Variants in SATL1 observed in about 807,000 individuals in gnomAD.
SATL1 encodes spermidine/spermine N(1)-acetyltransferase-like protein 1.
In SATL1, 47 loss-of-function variants were observed where a neutral mutation model predicts 51.8. That is an observed-to-expected ratio of 0.91 (90% CI 0.72 to 1.16). SATL1 has a LOEUF of 1.16. Ranked by LOEUF, SATL1 falls within the 50% of genes most tolerant of loss-of-function variation. The pLI is 0.00. For missense variants in SATL1, 520 were observed against 526.4 expected, an observed-to-expected ratio of 0.99 and a Z score of 0.12; for synonymous variants, 176 against 182.4, an observed-to-expected ratio of 0.97 and a Z score of 0.28.
chrX:85,092,872 G>A (rs1924570099), intron 7 of SATL1: 3 of 324,633 alleles, frequency 9.2e-6, no homozygotes, highest in Non-Finnish European at 1.6e-5. Context: ...TTATAGTCTT[G>A]TAATATTCAT....
At position 85,107,645 on chromosome X, in the gene SATL1, A is replaced by G. The variant is rs1925093786; in HGVS notation, c.1324T>C (p.Trp442Arg). ...ACTTGCTGGCTCATGCCTGGTTGCC[A>G]CATGCCTCGTTGCCACATGCCTGGT... ...SPPGMWQRGMWQPGMSQQVPS... is the reference protein window; with the variant it reads ...SPPGMWQRGMRQPGMSQQVPS... Residue 442 changes from tryptophan (W) to arginine (R), a missense_variant, in exon 3 of 8, where the codon TGG becomes CGG. Coordinates refer to ENST00000644105, the MANE Select transcript of SATL1 (RefSeq NM_001367857.2). 8.3e-7 allele frequency: 1 copy of G among 1,209,328 alleles called. No homozygotes were observed. The highest frequency in any genetic ancestry group is 1.1e-6 in the Non-Finnish European group (1 of 894,766).
At chrX:85,124,214 T>C (rs1457768857) in intron 2 of SATL1, among the ~76,000 whole-genome samples, 2 of 111,301 alleles carry the variant, frequency 1.8e-5, no homozygotes, top group Non-Finnish European at 3.8e-5. Flanking sequence ...TGTCACTTTT[T>C]AATATTACCC....
chrX:85,108,970 C>T lies in SATL1; in HGVS notation c.-2G>A. 8.4e-7 allele frequency: 1 copy of T among 1,193,836 alleles called. No individual in the cohort carries two copies. The highest frequency in any genetic ancestry group is 1.1e-6 in the Non-Finnish European group (1 of 884,927). On this transcript the variant is annotated 5_prime_UTR_variant, in exon 3 of 8. Coordinates refer to ENST00000644105, the MANE Select transcript of SATL1 (RefSeq NM_001367857.2). ...TTGGTTCGTGCCTGATTGGTTCATG[C>T]CCAGTTGATTCCTGCTTTGTTGACT... is the stretch of plus-strand genomic sequence containing the variant.
At chrX:85,100,282 T>C (rs186141237) in intron 4 of SATL1, among the ~76,000 whole-genome samples, 155 of 112,361 alleles carry the variant, frequency 1.4e-3, no homozygotes, top group African/African-American at 4.7e-3. Flanking sequence ...CACACAATTC[T>C]ATATAGAGAA....
intron 2 of SATL1, among the ~76,000 whole-genome samples, chrX:85,179,934 A>G (rs1265427190): frequency 3.7e-5 from 4 of 109,537 alleles, no homozygotes; most frequent in African/African-American, 9.9e-5. Flanking sequence ...CACACACACA[A>G]TAATACCTAG....
Position 85,095,697 on chromosome X carries a change from G to A in SATL1, c.1694-701C>T, listed in dbSNP as rs762909055. 4.1e-3 allele frequency among the ~76,000 whole-genome samples: 426 copies of A among 104,632 alleles called. 2 individuals carry two copies. The highest frequency in any genetic ancestry group is 7.1e-3 in the Non-Finnish European group (364 of 50,996). The allele number at this position is 104,632 out of a possible 115,157, so 90.9% of individuals were successfully genotyped here. ...AAAAATTAGCCGGGCGTAGTGGCGC[G>A]CGCCTGTAGTCCCAGCTACTTGGGA... On this transcript the variant is annotated intron_variant, in intron 4 of 7. Coordinates refer to ENST00000644105, the MANE Select transcript of SATL1 (RefSeq NM_001367857.2).
intron 2 of SATL1, among the ~76,000 whole-genome samples, chrX:85,172,715 G>C (rs1485416357): frequency 9.0e-6 from 1 of 110,653 alleles, no homozygotes; most frequent in Non-Finnish European, 1.9e-5. Context: ...ACTACCTTGT[G>C]TTAAACTACT....
chrX:85,116,507 T>C (rs1405647881), intron 2 of SATL1, among the ~76,000 whole-genome samples: 2 of 111,745 alleles, frequency 1.8e-5, no homozygotes, highest in Admixed American at 1.9e-4. Flanking sequence ...AGGGGCTGCA[T>C]GTGCAGTGGA....
intron 2 of SATL1, among the ~76,000 whole-genome samples, chrX:85,134,108 G>A (rs1925886043): frequency 9.0e-6 from 1 of 111,180 alleles, no homozygotes; most frequent in Non-Finnish European, 1.9e-5. Flanking sequence ...TAATTAATGA[G>A]TGTTTCAATA....
chrX:85,241,294 C>A (rs1057182951), intron 1 of SATL1, among the ~76,000 whole-genome samples: 1 of 110,168 alleles, frequency 9.1e-6, no homozygotes, highest in Non-Finnish European at 1.9e-5. Flanking sequence ...AGAAGGAGGG[C>A]GGGCAAGTGC....
intron 2 of SATL1, among the ~76,000 whole-genome samples, chrX:85,206,792 A>G (rs777885736): frequency 1.8e-5 from 2 of 111,937 alleles, no homozygotes; most frequent in South Asian, 7.4e-4. Context: ...AGAAAAGAAT[A>G]AAGTGTAAAT....
intron 2 of SATL1, chrX:85,210,420 A>G: frequency 1.0e-5 from 1 of 99,886 alleles, no homozygotes; most frequent in Middle Eastern, 5.1e-3. Flanking sequence ...AAAAAAAAAA[A>G]AAAGGAGGCA....
chrX:85,181,972 A>G (rs1927215144), intron 2 of SATL1, among the ~76,000 whole-genome samples: 1 of 111,515 alleles, frequency 9.0e-6, no homozygotes. Context: ...TTTTAACTGG[A>G]CACATAATAA....
Position 85,151,144 on chromosome X carries a change from A to T in SATL1, c.-312-41864T>A, listed in dbSNP as rs1363210987. Among the ~76,000 whole-genome samples the T allele has an allele frequency of 4.6e-5, 5 of 109,135 alleles. No homozygotes were observed. The East Asian group carries it at 1.4e-3, about 31-fold the overall frequency. The allele number at this position is 109,135 out of a possible 115,157, so 94.8% of individuals were successfully genotyped here. ...CTCAGGATACAAAATCAATGTACAA[A>T]AATCACAAGCATTCTTATACACCAA... On this transcript the variant is annotated intron_variant, in intron 2 of 7. Coordinates refer to ENST00000644105, the MANE Select transcript of SATL1 (RefSeq NM_001367857.2).
Position 85,093,806 on chromosome X carries a change from A to G in SATL1, c.1876+322T>C, listed in dbSNP as rs377669924. 3.6e-5 allele frequency among the ~76,000 whole-genome samples: 4 copies of G among 112,206 alleles called. No individual in the cohort carries two copies. The South Asian group carries it at 1.5e-3, about 41-fold the overall frequency. On this transcript the variant is annotated intron_variant, in intron 6 of 7. Coordinates refer to ENST00000644105, the MANE Select transcript of SATL1 (RefSeq NM_001367857.2). The stretch of plus-strand genomic sequence containing the variant: ...TTGAGTGTAGGAGGTTGAGGTTACA[A>G]TGAGTCGTGATCACACCACTGCATT...
chrX:85,101,942 C>T (rs984050085), intron 4 of SATL1, among the ~76,000 whole-genome samples: 47 of 109,420 alleles, frequency 4.3e-4, no homozygotes, highest in African/African-American at 1.6e-3. Context: ...TATATATTTC[C>T]AGTCATATGA....
At chrX:85,188,241 T>C (rs984151122) in intron 2 of SATL1, among the ~76,000 whole-genome samples, 13 of 111,534 alleles carry the variant, frequency 1.2e-4, no homozygotes, top group Admixed American at 2.9e-4. Flanking sequence ...CTTTCTACTT[T>C]CCATGAAAAT....
chrX:85,208,014 T>G (rs1456029919), intron 2 of SATL1, among the ~76,000 whole-genome samples: 2 of 111,322 alleles, frequency 1.8e-5, no homozygotes, highest in Admixed American at 1.9e-4. Flanking sequence ...CAACTCATCA[T>G]TTACATTAGG....
chrX:85,095,273 A>T (rs1051231397), intron 4 of SATL1, among the ~76,000 whole-genome samples: 17 of 111,786 alleles, frequency 1.5e-4, no homozygotes, highest in Non-Finnish European at 2.6e-4. Flanking sequence ...GGGAACAGCA[A>T]CCTGTATTTC....
Sources: gnomAD v4.1 joint callset for allele counts (sites outside exome capture counted in the v4.1 genomes callset) on GRCh38, gnomAD v4.1.1 for gene constraint, MANE v1.5 for transcripts, NCBI Gene and HGNC (gene_info 2026-07-23, HGNC 2026-07-21) for gene names.